Variants in ZNF804A observed in about 807,000 individuals in gnomAD.
The protein encoded by ZNF804A is zinc finger protein 804A.
In ZNF804A, 2 loss-of-function variants were observed where a neutral mutation model predicts 16.5. That is an observed-to-expected ratio of 0.12 (90% CI 0.05 to 0.38). ZNF804A has a LOEUF of 0.38. Ranked by LOEUF, ZNF804A falls within the 10% of genes least tolerant of loss-of-function variation. The pLI is 0.99. For missense variants in ZNF804A, 1,473 were observed against 1,390.7 expected, an observed-to-expected ratio of 1.06 and a Z score of -0.94; for synonymous variants, 534 against 489.6, an observed-to-expected ratio of 1.09 and a Z score of -1.20.
intron 2 of ZNF804A, among the ~76,000 whole-genome samples, chr2:184,899,418 T>C (rs75124643): frequency 2.0e-5 from 3 of 151,934 alleles, no homozygotes; most frequent in Non-Finnish European, 2.9e-5. Flanking sequence ...AACTGATGAA[T>C]GAAATTTGTG....
At chr2:184,686,175 G>T (rs1466829687) in intron 1 of ZNF804A, among the ~76,000 whole-genome samples, 1 of 152,254 alleles carries the variant, frequency 6.6e-6, no homozygotes, top group Non-Finnish European at 1.5e-5. Context: ...GCCCCCAAGA[G>T]TGCAGGGATG....
chr2:184,778,484 G>A (rs1694323081), intron 1 of ZNF804A, among the ~76,000 whole-genome samples: 1 of 151,358 alleles, frequency 6.6e-6, no homozygotes, highest in African/African-American at 2.4e-5. Context: ...GGACTGAGAG[G>A]GACAGGGATA....
rs573479325 is a variant in ZNF804A, at chr2:184,731,105, G to A, written c.111+132035G>A. Among the ~76,000 whole-genome samples, 5 of 151,438 alleles carry A rather than the reference G, an allele frequency of 3.3e-5. No homozygotes were observed. The South Asian group carries it at 6.3e-4, about 19-fold the overall frequency. On this transcript the variant is annotated intron_variant, in intron 1 of 3. Coordinates refer to ENST00000302277, the MANE Select transcript of ZNF804A (RefSeq NM_194250.2). The stretch of plus-strand genomic sequence containing the variant: ...GTCTCTACTAAAAGTACACAAATTC[G>A]GCAGGTGTGGTGGCAGGCGCCTGTA...
chr2:184,703,969 G>T (rs1692976889), intron 1 of ZNF804A, among the ~76,000 whole-genome samples: 1 of 151,932 alleles, frequency 6.6e-6, no homozygotes, highest in Non-Finnish European at 1.5e-5. Context: ...AAATTTTTAG[G>T]ATAAACTACT....
intron 1 of ZNF804A, among the ~76,000 whole-genome samples, chr2:184,608,116 T>G (rs1330861217): frequency 1.3e-5 from 2 of 151,060 alleles, no homozygotes; most frequent in Admixed American, 1.3e-4. Flanking sequence ...CGGCTAATTT[T>G]TTGTATTTTT....
At chr2:184,875,214 G>A (rs1696034484) in intron 2 of ZNF804A, among the ~76,000 whole-genome samples, 1 of 152,174 alleles carries the variant, frequency 6.6e-6, no homozygotes, top group African/African-American at 2.4e-5. Flanking sequence ...CTATGTGTTA[G>A]ATAGAGTTTA....
At chr2:184,901,842 A>G (rs1379981299) in intron 2 of ZNF804A, among the ~76,000 whole-genome samples, 1 of 152,066 alleles carries the variant, frequency 6.6e-6, no homozygotes, top group Non-Finnish European at 1.5e-5. Flanking sequence ...TTTTCAAAAT[A>G]TAAATGAGAT....
At chr2:184,892,673 A>G (rs1363204705) in intron 2 of ZNF804A, among the ~76,000 whole-genome samples, 2 of 151,832 alleles carry the variant, frequency 1.3e-5, no homozygotes, top group Non-Finnish European at 2.9e-5. Context: ...TACAATATAC[A>G]GGGTTTCGCC....
intron 2 of ZNF804A, among the ~76,000 whole-genome samples, chr2:184,886,661 C>T (rs920931328): frequency 5.9e-5 from 9 of 152,244 alleles, no homozygotes; most frequent in Admixed American, 1.3e-4. Context: ...CTTCTGTGCA[C>T]CTGCAGGCTC....
intron 1 of ZNF804A, among the ~76,000 whole-genome samples, chr2:184,621,903 C>A (rs1691427284): frequency 6.6e-6 from 1 of 151,758 alleles, no homozygotes. Flanking sequence ...CTGCAATCTG[C>A]AATGAAAACA....
At chr2:184,709,852 T>C (rs1693097199) in intron 1 of ZNF804A, among the ~76,000 whole-genome samples, 3 of 148,196 alleles carry the variant, frequency 2.0e-5, no homozygotes, top group Admixed American at 6.8e-5. Context: ...TTATAGTATA[T>C]ATTATAAATA....
At chr2:184,763,443 A>G (rs1378924130) in intron 1 of ZNF804A, among the ~76,000 whole-genome samples, 1 of 151,942 alleles carries the variant, frequency 6.6e-6, no homozygotes, top group African/African-American at 2.4e-5. Flanking sequence ...TATGAAGTAT[A>G]TTTTCTTTAA....
intron 2 of ZNF804A, among the ~76,000 whole-genome samples, chr2:184,928,373 C>T (rs1215061876): frequency 6.6e-6 from 1 of 152,076 alleles, no homozygotes; most frequent in Non-Finnish European, 1.5e-5. Flanking sequence ...AAAGTCCTCC[C>T]TGCTCTTCTC....
chr2:184,880,640 T>C (rs1684796806), intron 2 of ZNF804A, among the ~76,000 whole-genome samples: 2 of 151,996 alleles, frequency 1.3e-5, no homozygotes, highest in Non-Finnish European at 2.9e-5. Context: ...TGTTGTGTGC[T>C]GCTGTAACAG....
intron 1 of ZNF804A, among the ~76,000 whole-genome samples, chr2:184,628,336 A>G (rs1691541980): frequency 6.6e-6 from 1 of 152,248 alleles, no homozygotes; most frequent in Non-Finnish European, 1.5e-5. Flanking sequence ...AAGAAAAAAA[A>G]GGTGTAAAGA....
intron 1 of ZNF804A, among the ~76,000 whole-genome samples, chr2:184,843,438 T>G (rs4494699): frequency 0.26 from 38,959 of 151,460 alleles, 6,621 homozygotes; most frequent in African/African-American, 0.48. Context: ...AATTTTTTTT[T>G]TGTGTGTGTG....
intron 1 of ZNF804A, among the ~76,000 whole-genome samples, chr2:184,704,111 T>G (rs1692979232): frequency 6.6e-6 from 1 of 152,092 alleles, no homozygotes; most frequent in Non-Finnish European, 1.5e-5. Flanking sequence ...ATGATTGGTA[T>G]TTAGAGAAGA....
intron 1 of ZNF804A, among the ~76,000 whole-genome samples, chr2:184,600,589 T>C (rs1018983916): frequency 3.9e-5 from 6 of 152,218 alleles, no homozygotes; most frequent in African/African-American, 7.2e-5. Flanking sequence ...AAGTACACAC[T>C]GTTTTTTCAA....
rs1217659498 is a variant in ZNF804A at position 184,938,361 on chromosome 2, A to G, written c.2965A>G (p.Thr989Ala). The change falls in exon 4 of 4, where the codon ACT becomes GCT. Residue 989 changes from threonine to alanine, a missense_variant. Physicochemically the swap from Thr to Ala is moderately conservative, Grantham distance 58. Coordinates refer to ENST00000302277, the MANE Select transcript of ZNF804A (RefSeq NM_194250.2). The stretch of plus-strand genomic sequence containing the variant: ...ACAAGGAAAGATGAATGAGACACCA[A>G]CTGAGTGGCTGCGTTATAATTCAGG... ...LPQGKMNETP[T>A]EWLRYNSGIL... The G allele has an allele frequency of 3.7e-6, 6 of 1,614,042 alleles. No individual in the cohort carries two copies. Among genetic ancestry groups the G allele is most frequent in the Non-Finnish European group, 4.2e-6 (5 of 1,180,028 alleles).
Sources: allele counts gnomAD v4.1 joint callset (sites outside exome capture counted in the v4.1 genomes callset), GRCh38; gene constraint gnomAD v4.1.1; transcripts MANE v1.5; gene names NCBI Gene and HGNC (gene_info 2026-07-23, HGNC 2026-07-21).